Variants in MSRB3 observed in about 807,000 individuals in gnomAD.
MSRB3 encodes methionine-R-sulfoxide reductase B3.
In MSRB3, 13 loss-of-function variants were observed where a neutral mutation model predicts 21.0. The observed-to-expected ratio is 0.62, with a 90% confidence interval of 0.40 to 0.98. The LOEUF (loss-of-function observed/expected upper bound fraction) is 0.98, where lower values mean the gene tolerates loss of function less well. MSRB3 is among the 50% of genes least tolerant of loss of function. The pLI is 0.00. For synonymous variants in MSRB3, 87 were observed against 88.6 expected (o/e 0.98, Z 0.10); for missense variants, 199 against 230.3 (o/e 0.86, Z 0.88).
intron 5 of MSRB3, among the ~76,000 whole-genome samples, chr12:65,436,510 C>A (rs933147493): frequency 6.6e-6 from 1 of 151,770 alleles, no homozygotes; most frequent in Admixed American, 6.6e-5. Context: ...TTCCTGTAGG[C>A]TTTGCCAGAC....
In MSRB3 at chr12:65,466,302, T is replaced by A. The variant is rs1350876701; in HGVS notation, c.*2980T>A. On this transcript the variant is annotated 3_prime_UTR_variant, in exon 7 of 7. Coordinates refer to ENST00000308259, the MANE Select transcript of MSRB3 (RefSeq NM_001031679.3). The stretch of plus-strand genomic sequence containing the variant: ...GGTATCAAATTTCAGTATATTTCTG[T>A]CTTATGTGAAAGAAATATATTACTA... 1 of 152,194 alleles carries A rather than the reference T, an allele frequency of 6.6e-6. No homozygotes were observed. Among genetic ancestry groups the A allele is most frequent in the African/African-American group, 2.4e-5 (1 of 41,452 alleles). The allele number at this position is 152,194 out of a possible 1,614,324, so 9.4% of individuals were successfully genotyped here.
chr12:65,303,059 T>C (rs1221238842), intron 1 of MSRB3, among the ~76,000 whole-genome samples: 1 of 152,176 alleles, frequency 6.6e-6, no homozygotes, highest in Non-Finnish European at 1.5e-5. Context: ...CTCAAAACTG[T>C]TGGCTCCTAC....
chr12:65,329,182 T>C (rs1354389754), intron 4 of MSRB3, among the ~76,000 whole-genome samples: 1 of 152,216 alleles, frequency 6.6e-6, no homozygotes, highest in African/African-American at 2.4e-5. Flanking sequence ...ACACTGGACT[T>C]TCTGACTAAA....
chr12:65,352,082 G>A (rs868253479), intron 4 of MSRB3, among the ~76,000 whole-genome samples: 3,885 of 151,802 alleles, frequency 0.026, 177 homozygotes, highest in African/African-American at 0.089. Flanking sequence ...CTGGCAAAAC[G>A]AATCCAGCAG....
chr12:65,419,159 T>G (rs1050936012), intron 5 of MSRB3: 1 of 686,218 alleles, frequency 1.5e-6, no homozygotes, highest in Non-Finnish European at 2.7e-6. Context: ...GCTCCAACCT[T>G]GGCCAACTGC....
chr12:65,410,234 T>C (rs1880643500), intron 5 of MSRB3, among the ~76,000 whole-genome samples: 1 of 152,212 alleles, frequency 6.6e-6, no homozygotes. Context: ...ATTAAGGATA[T>C]TAGATCATCT....
intron 4 of MSRB3, among the ~76,000 whole-genome samples, chr12:65,360,477 A>G (rs1213388655): frequency 6.6e-6 from 1 of 152,118 alleles, no homozygotes; most frequent in Non-Finnish European, 1.5e-5. Flanking sequence ...GAAGAATTGT[A>G]GAAGCTGGGA....
In MSRB3 at chr12:65,278,804, G is replaced by C. The variant is rs1871814149; in HGVS notation, c.-113G>C. ...GGCGGACCCTCCCGCGCCCCCTCTC[G>C]CTCTGCCTCTCCCTCTGCCTCTGCC... is the stretch of plus-strand genomic sequence containing the variant. On this transcript the variant is annotated 5_prime_UTR_variant, in exon 1 of 7. Coordinates refer to ENST00000308259, the MANE Select transcript of MSRB3 (RefSeq NM_001031679.3). 1 of 1,571,062 alleles carries C rather than the reference G, an allele frequency of 6.4e-7. No homozygotes were observed.
In MSRB3 at chr12:65,376,389, G is replaced by A. The variant is rs192957724; in HGVS notation, c.292+7363G>A. ...CCGCCTCGGCCTCCCAAAGTGCTGG[G>A]ATTGTCATTTTTTATTTTACCTGAA... On this transcript the variant is annotated intron_variant, in intron 5 of 6. Transcript: ENST00000308259. 3.5e-4 allele frequency among the ~76,000 whole-genome samples: 53 copies of A among 152,308 alleles called. 1 individual carries two copies. The highest frequency in any genetic ancestry group is 1.1e-3 in the African/African-American group (45 of 41,566).
intron 2 of MSRB3, chr12:65,308,901 A>G (rs547861391): frequency 9.7e-5 from 55 of 566,184 alleles, no homozygotes; most frequent in African/African-American, 8.8e-4. Flanking sequence ...AATATTTCAT[A>G]TCTTCTTGTT....
At chr12:65,309,903 G>A (rs1384447695) in intron 2 of MSRB3, among the ~76,000 whole-genome samples, 8 of 152,140 alleles carry the variant, frequency 5.3e-5, no homozygotes, top group Admixed American at 5.2e-4. Flanking sequence ...AGGAAAGGTA[G>A]CCAAATCATG....
At chr12:65,368,855 A>G (rs1236487119) in intron 4 of MSRB3, 143 bp from the exon 5 acceptor site, 1 of 633,372 alleles carries the variant, frequency 1.6e-6, no homozygotes, top group African/African-American at 1.8e-5. Flanking sequence ...AATGATTACA[A>G]TACATATATA....
chr12:65,308,695 C>A, intron 2 of MSRB3, 40 bp downstream of exon 2: 3 of 1,613,460 alleles, frequency 1.9e-6, no homozygotes, highest in Non-Finnish European at 2.5e-6. Flanking sequence ...AGGCACAGGG[C>A]CAACTGGGTG....
chr12:65,314,360 C>T (rs1252156625), intron 2 of MSRB3, among the ~76,000 whole-genome samples: 1 of 151,892 alleles, frequency 6.6e-6, no homozygotes, highest in East Asian at 1.9e-4. Context: ...GACTGTTAAG[C>T]ATGAATCGAT....
chr12:65,304,037 T>G (rs900864995), intron 1 of MSRB3, among the ~76,000 whole-genome samples: 1 of 152,024 alleles, frequency 6.6e-6, no homozygotes. Flanking sequence ...AGATGCTTTG[T>G]TTAGGAATTT....
intron 5 of MSRB3, among the ~76,000 whole-genome samples, chr12:65,424,832 T>C (rs905920442): frequency 6.6e-6 from 1 of 150,534 alleles, no homozygotes; most frequent in African/African-American, 2.5e-5. Flanking sequence ...CTGTTTGGTA[T>C]GAAGTGTAGT....
intron 4 of MSRB3, among the ~76,000 whole-genome samples, chr12:65,343,882 T>C (rs1876311072): frequency 6.6e-6 from 1 of 152,072 alleles, no homozygotes. Flanking sequence ...TAATGGCCAA[T>C]GACTATACTT....
intron 1 of MSRB3, among the ~76,000 whole-genome samples, chr12:65,280,638 T>A (rs1226413795): frequency 6.6e-6 from 1 of 152,184 alleles, no homozygotes; most frequent in African/African-American, 2.4e-5. Context: ...GGGCCCTATA[T>A]GAATATCTGG....
Position 65,463,287 on chromosome 12 carries a change from G to A in MSRB3, c.523G>A (p.Ala175Thr), listed in dbSNP as rs200201418. Residue 175 changes from alanine (A) to threonine (T), a missense_variant, in exon 7 of 7, where the codon GCC becomes ACC. Transcript: ENST00000308259. Reference sequence around the variant, plus strand: ...CACCGCCGAGGGAGGCAGTGGGGTCGCCAGCCCGGCCCAGGCAGACAAAGC... The same window carrying A: ...CACCGCCGAGGGAGGCAGTGGGGTCACCAGCCCGGCCCAGGCAGACAAAGC... ...SGTAEGGSGV[A>T]SPAQADKAEL is the part of the protein sequence containing the mutation. 3.8e-4 allele frequency: 612 copies of A among 1,614,136 alleles called. 3 individuals are homozygous for A. The highest frequency in any genetic ancestry group is 3.6e-3 in the Middle Eastern group (22 of 6,062).
Sources: allele counts gnomAD v4.1 joint callset (sites outside exome capture counted in the v4.1 genomes callset), GRCh38; gene constraint gnomAD v4.1.1; transcripts MANE v1.5; gene names NCBI Gene and HGNC (gene_info 2026-07-23, HGNC 2026-07-21).